MYO18B: variants seen among roughly 807,000 people sequenced by gnomAD.
MYO18B encodes the protein unconventional myosin-XVIIIb.
MYO18B carries 204 observed loss-of-function variants against 273.0 expected under a neutral mutation model. That is an observed-to-expected ratio of 0.75 (90% CI 0.67 to 0.84). The LOEUF (loss-of-function observed/expected upper bound fraction) is 0.84, where lower values mean the gene tolerates loss of function less well. Among genes scored for constraint, MYO18B ranks in the 40% least tolerant of loss-of-function variants. The pLI, the probability that MYO18B is intolerant of heterozygous loss-of-function variation, is 0.00. For missense variants in MYO18B, 3,212 were observed against 3,287.6 expected, an observed-to-expected ratio of 0.98 and a Z score of 0.56; for synonymous variants, 1,330 against 1,305.7, an observed-to-expected ratio of 1.02 and a Z score of -0.40.
chr22:25,967,893 A>T (rs926748432), intron 39 of MYO18B, among the ~76,000 whole-genome samples: 7 of 152,120 alleles, frequency 4.6e-5, no homozygotes, highest in African/African-American at 1.4e-4. Flanking sequence ...ATGACATCAC[A>T]TTGGTAGCTT....
rs398036691 is a variant in MYO18B at position 25,814,294 on chromosome 22, C to CTTTTTT, written c.2522-9173_2522-9168dup. Among the ~76,000 whole-genome samples, 165 of 59,496 alleles carry CTTTTTT rather than the reference C, an allele frequency of 2.8e-3. 15 individuals carry two copies. Among genetic ancestry groups the CTTTTTT allele is most frequent in the Non-Finnish European group, 4.2e-3 (129 of 30,814 alleles). The allele number at this position is 59,496 out of a possible 152,430, so 39.0% of individuals were successfully genotyped here. A position where few individuals can be genotyped will look rare whatever the true frequency, so the allele number is the denominator to read the frequency against. On this transcript the variant is annotated intron_variant, in intron 12 of 43. Coordinates refer to ENST00000335473, the MANE Select transcript of MYO18B (RefSeq NM_032608.7). ...GCTTGCCATGCTCCCAGGCACCGTTCTTTTTTTTTTTTTTTTTTTTTTTTT... is the reference window on the plus strand; with the variant it reads ...GCTTGCCATGCTCCCAGGCACCGTTCTTTTTTTTTTTTTTTTTTTTTTTTTTTTTTT...
chr22:26,002,430 AAT>A (rs1934042868), intron 40 of MYO18B, among the ~76,000 whole-genome samples: 1 of 152,174 alleles, frequency 6.6e-6, no homozygotes, highest in African/African-American at 2.4e-5. Flanking sequence ...AATGCATGTA[AAT>A]AGAAGCCCCC....
downstream of MYO18B, among the ~76,000 whole-genome samples, chr22:26,033,795 TCC>T (rs1491024584): frequency 3.4e-5 from 3 of 87,250 alleles, no homozygotes; most frequent in South Asian, 3.6e-4. Context: ...TTTCTGTCTC[TCC>T]TTCCTTCCTT....
At chr22:25,968,411 C>G (rs1182198764) in intron 39 of MYO18B, among the ~76,000 whole-genome samples, 2 of 152,128 alleles carry the variant, frequency 1.3e-5, no homozygotes, top group Non-Finnish European at 2.9e-5. Flanking sequence ...AAAGGCAAAG[C>G]CTTTGGATGC....
At chr22:25,846,343 C>G in intron 19 of MYO18B, 60 bp downstream of exon 19, 1 of 1,563,914 alleles carries the variant, frequency 6.4e-7, no homozygotes. Context: ...CTCATCTCCT[C>G]TGGGCTGAGT....
the MYO18B span, among the ~76,000 whole-genome samples, chr22:26,059,326 C>A: frequency 1.3e-5 from 2 of 151,984 alleles, no homozygotes; most frequent in Non-Finnish European, 1.5e-5. Flanking sequence ...GGAAGAGGAC[C>A]CAAATGTGGA....
At chr22:25,812,134 C>G (rs1225183050) in intron 12 of MYO18B, among the ~76,000 whole-genome samples, 1 of 152,184 alleles carries the variant, frequency 6.6e-6, no homozygotes. Context: ...CCAAGGAAGG[C>G]TTGGCATTTT....
rs753669975 is a variant in MYO18B, at chr22:25,903,680, A to G, written c.4997A>G (p.Gln1666Arg). ...CTGAAGCAGCAGGTGGAGATGCTAC[A>G]GGACCATAAACGGGAGCTGCTGGGG... ...SQLKQQVEMLQDHKRELLGSP... is the reference protein window; with the variant it reads ...SQLKQQVEMLRDHKRELLGSP... The change falls in exon 31 of 44, where the codon CAG becomes CGG. Residue 1666 changes from glutamine (Q) to arginine (R), a missense_variant. By Grantham distance (43) the Gln-to-Arg change is conservative (BLOSUM62 1). Coordinates refer to ENST00000335473, the MANE Select transcript of MYO18B (RefSeq NM_032608.7). 1.1e-5 allele frequency: 18 copies of G among 1,610,110 alleles called. No homozygotes were observed. The South Asian group carries it at 2.0e-4, about 18-fold the overall frequency.
At chr22:25,785,225 G>A (rs2087331285) in intron 10 of MYO18B, among the ~76,000 whole-genome samples, 1 of 152,198 alleles carries the variant, frequency 6.6e-6, no homozygotes, top group African/African-American at 2.4e-5. Flanking sequence ...CCTTTAGGAA[G>A]GGCCAAGTGA....
chr22:26,033,051 C>G (rs1210811251), downstream of MYO18B, among the ~76,000 whole-genome samples: 1 of 152,078 alleles, frequency 6.6e-6, no homozygotes, highest in Non-Finnish European at 1.5e-5. Context: ...GTCCCAAGCT[C>G]CCAGCTTGGT....
chr22:25,751,841 TG>T (rs1194804454), intron 1 of MYO18B, among the ~76,000 whole-genome samples: 1 of 152,178 alleles, frequency 6.6e-6, no homozygotes, highest in Admixed American at 6.5e-5. Flanking sequence ...TTGTGCTGGG[TG>T]CTGGGCTGGG....
At chr22:25,794,429 TC>T (rs1321305646) in intron 11 of MYO18B, among the ~76,000 whole-genome samples, 2 of 148,940 alleles carry the variant, frequency 1.3e-5, no homozygotes, top group African/African-American at 2.5e-5. Context: ...AGTCAACTCC[TC>T]CCACCTCAGC....
the MYO18B span, among the ~76,000 whole-genome samples, chr22:26,044,204 T>C: frequency 2.0e-5 from 3 of 152,248 alleles, no homozygotes; most frequent in Admixed American, 2.0e-4. Context: ...GTTGTAAGAA[T>C]TCTTTATATG....
In MYO18B at chr22:25,781,626, G is replaced by A. The variant is rs28729695; in HGVS notation, c.2212-108G>A. On this transcript the variant is annotated intron_variant, in intron 9 of 43. Transcript: ENST00000335473. Reference sequence around the variant, plus strand: ...CTCCGTCTCAAAAAAAAAAAAAAAAGAGTGGATCAGAGTGGGGCACCCCAA... The same window carrying A: ...CTCCGTCTCAAAAAAAAAAAAAAAAAAGTGGATCAGAGTGGGGCACCCCAA... The A allele has an allele frequency of 0.59, 218,459 of 369,084 alleles. 64,964 individuals are homozygous for A. Among genetic ancestry groups the A allele is most frequent in the East Asian group, 0.67 (15,571 of 23,310 alleles). 22.9% of individuals were successfully genotyped at this position (369,084 alleles called of 1,614,324 possible). A position where few individuals can be genotyped will look rare whatever the true frequency, so the allele number is the denominator to read the frequency against.
rs777219061 is a variant in MYO18B at position 25,950,436 on chromosome 22, A to G, written c.5818A>G (p.Lys1940Glu). ...GGAGGAAGCCAAGAAGGAGAAGCAC[A>G]AGCTACAAGAACAAGTATGTGCTCA... ...QLEEAKKEKH[K>E]LQEQLQVAQM... The change falls in exon 37 of 44, where the codon AAG becomes GAG. Residue 1940 changes from lysine (K) to glutamate (E), a missense_variant. Coordinates refer to ENST00000335473, the MANE Select transcript of MYO18B (RefSeq NM_032608.7). 21 of 1,604,542 alleles carry G rather than the reference A, an allele frequency of 1.3e-5. No homozygotes were observed. The Admixed American group carries it at 3.6e-4, about 27-fold the overall frequency.
intron 34 of MYO18B, among the ~76,000 whole-genome samples, chr22:25,937,085 GA>G (rs1226902517): frequency 2.6e-5 from 3 of 117,132 alleles, no homozygotes; most frequent in African/African-American, 8.3e-5. Flanking sequence ...TATTCAGGAA[GA>G]TTTTTTTTTT....
chr22:25,871,907 A>T (rs989938289), intron 22 of MYO18B, among the ~76,000 whole-genome samples: 2 of 152,224 alleles, frequency 1.3e-5, no homozygotes, highest in African/African-American at 4.8e-5. Flanking sequence ...CTTCATAATC[A>T]ATAGTGGTTT....
chr22:25,822,780 C>T (rs997816747), intron 12 of MYO18B, among the ~76,000 whole-genome samples: 9 of 152,184 alleles, frequency 5.9e-5, no homozygotes, highest in Non-Finnish European at 8.8e-5. Context: ...TTAAGGGGTC[C>T]GCATGAAGAG....
intron 11 of MYO18B, among the ~76,000 whole-genome samples, chr22:25,796,638 C>T (rs1406236784): frequency 1.3e-5 from 2 of 151,544 alleles, no homozygotes; most frequent in Non-Finnish European, 2.9e-5. Flanking sequence ...TATTGCTGCA[C>T]GGAAGACAGA....
Sources: gnomAD v4.1 joint callset for allele counts (sites outside exome capture counted in the v4.1 genomes callset) on GRCh38, gnomAD v4.1.1 for gene constraint, MANE v1.5 for transcripts, NCBI Gene and HGNC (gene_info 2026-07-23, HGNC 2026-07-21) for gene names.